Variants in TUSC3 observed in about 807,000 individuals in gnomAD.
TUSC3 encodes the protein tumor suppressor candidate 3.
TUSC3 carries 45 observed loss-of-function variants against 44.8 expected under a neutral mutation model. The ratio of observed to expected loss-of-function variants is 1.00; its 90% CI spans 0.79 to 1.29. The LOEUF (loss-of-function observed/expected upper bound fraction) is 1.29. Ranked by LOEUF, TUSC3 falls within the 50% of genes most tolerant of loss-of-function variation. The pLI is 0.00. For synonymous variants in TUSC3, 212 were observed against 152.9 expected (o/e 1.39, Z -2.85); for missense variants, 519 against 437.9 (o/e 1.19, Z -1.65).
chr8:15,662,686 A>G, intron 5 of TUSC3, among the ~76,000 whole-genome samples: 1 of 151,884 alleles, frequency 6.6e-6, no homozygotes, highest in East Asian at 1.9e-4. Flanking sequence ...CTTCTATGTG[A>G]CTGATATATG....
At chr8:15,767,386 A>G (rs2129226691), downstream of TUSC3, among the ~76,000 whole-genome samples, 1 of 152,192 alleles carries the variant, frequency 6.6e-6, no homozygotes, top group South Asian at 2.1e-4. Flanking sequence ...ATGTCAGGAA[A>G]AATGACAGCA....
At chr8:15,758,224 C>G in intron 10 of TUSC3, 1 of 1,010,264 alleles carries the variant, frequency 9.9e-7, no homozygotes, top group Non-Finnish European at 1.2e-6. Flanking sequence ...TTCCCATTAA[C>G]AAATAATGTA....
downstream of TUSC3, among the ~76,000 whole-genome samples, chr8:15,770,944 C>G (rs944622470): frequency 2.6e-5 from 4 of 152,114 alleles, no homozygotes; most frequent in African/African-American, 9.7e-5. Flanking sequence ...TATACACATT[C>G]AAAGAGATCC....
intron 2 of TUSC3, among the ~76,000 whole-genome samples, chr8:15,524,679 C>T (rs867412069): frequency 6.6e-6 from 1 of 152,206 alleles, no homozygotes; most frequent in Middle Eastern, 3.4e-3. Context: ...AAAAAAGACC[C>T]AATGGAGAAC....
At chr8:15,783,987 C>G in the TUSC3 span, among the ~76,000 whole-genome samples, 3 of 152,024 alleles carry the variant, frequency 2.0e-5, no homozygotes, top group Non-Finnish European at 4.4e-5. Flanking sequence ...ATAAGTAACT[C>G]AAACTACTCA....
intron 2 of TUSC3, among the ~76,000 whole-genome samples, chr8:15,639,992 A>G (rs965411167): frequency 4.6e-5 from 7 of 152,174 alleles, no homozygotes; most frequent in Non-Finnish European, 7.3e-5. Flanking sequence ...TGAGATTGTT[A>G]TCGTTAGAAA....
At position 15,487,724 on chromosome 8, in the gene TUSC3, T is replaced by G. The variant is rs536562881; in HGVS notation, n.189+4241T>G. 1.6e-4 allele frequency among the ~76,000 whole-genome samples: 24 copies of G among 152,336 alleles called. 1 individual carries two copies. The highest frequency in any genetic ancestry group is 5.5e-4 in the African/African-American group (23 of 41,590). The stretch of plus-strand genomic sequence containing the variant: ...TTCTTTATATGCTAAAGTATTTATT[T>G]GCAAACGAAACATCCAATTAGCCTA... On this transcript the variant is annotated intron_variant and non_coding_transcript_variant, in intron 2 of 5. Coordinates refer to the TUSC3 transcript ENST00000503191.
chr8:15,563,462 C>T (rs1432981744), intron 1 of TUSC3, among the ~76,000 whole-genome samples: 7 of 151,944 alleles, frequency 4.6e-5, no homozygotes, highest in Non-Finnish European at 1.0e-4. Context: ...CTGAGGTGGG[C>T]GGATCACAAG....
At chr8:15,779,597 C>G in the TUSC3 span, among the ~76,000 whole-genome samples, 1 of 152,060 alleles carries the variant, frequency 6.6e-6, no homozygotes, top group Non-Finnish European at 1.5e-5. Context: ...TTAATATGTT[C>G]TTACAATTTA....
intron 1 of TUSC3, among the ~76,000 whole-genome samples, chr8:15,579,007 C>G (rs1457939033): frequency 2.6e-5 from 4 of 151,868 alleles, no homozygotes; most frequent in Non-Finnish European, 5.9e-5. Flanking sequence ...TGTTATTGGT[C>G]TATTCAGAGA....
intron 6 of TUSC3, among the ~76,000 whole-genome samples, chr8:15,692,531 A>C (rs944293565): frequency 6.6e-6 from 1 of 151,484 alleles, no homozygotes; most frequent in African/African-American, 2.4e-5. Context: ...AAAACTTATT[A>C]TTGGTCAGTT....
intron 6 of TUSC3, among the ~76,000 whole-genome samples, chr8:15,697,980 A>G (rs1044758433): frequency 6.6e-6 from 1 of 152,226 alleles, no homozygotes; most frequent in Admixed American, 6.5e-5. Context: ...TCCAAAATAT[A>G]TTTAATTTGG....
At chr8:15,604,366 A>G (rs1296652547) in intron 1 of TUSC3, among the ~76,000 whole-genome samples, 1 of 151,708 alleles carries the variant, frequency 6.6e-6, no homozygotes, top group Non-Finnish European at 1.5e-5. Flanking sequence ...AAATAAACCA[A>G]ATAGATTGCA....
the TUSC3 span, among the ~76,000 whole-genome samples, chr8:15,772,262 G>C: frequency 6.6e-6 from 1 of 151,986 alleles, no homozygotes; most frequent in Non-Finnish European, 1.5e-5. Flanking sequence ...CCGAAAGTTG[G>C]TTCTTTGAAA....
intron 3 of TUSC3, among the ~76,000 whole-genome samples, chr8:15,655,757 C>T (rs1317998925): frequency 1.3e-5 from 2 of 152,296 alleles, no homozygotes; most frequent in East Asian, 1.9e-4. Context: ...ATATATGTAG[C>T]TGTTTAGCTC....
intron 1 of TUSC3, among the ~76,000 whole-genome samples, chr8:15,621,779 T>C (rs991512113): frequency 1.4e-5 from 2 of 141,056 alleles, no homozygotes; most frequent in Middle Eastern, 3.4e-3. Flanking sequence ...ATTGGGTCTT[T>C]TAAAAAAAAA....
At chr8:15,829,715 C>A in the TUSC3 span, among the ~76,000 whole-genome samples, 3 of 151,918 alleles carry the variant, frequency 2.0e-5, no homozygotes, top group Non-Finnish European at 4.4e-5. Context: ...GTGAGTTTTT[C>A]TAATTTTCTC....
At chr8:15,819,705 A>T in the TUSC3 span, among the ~76,000 whole-genome samples, 20 of 152,226 alleles carry the variant, frequency 1.3e-4, no homozygotes, top group Non-Finnish European at 2.9e-4. Context: ...GTGCGACTTG[A>T]CTTAGTAATG....
intron 1 of TUSC3, among the ~76,000 whole-genome samples, chr8:15,441,737 G>T (rs1014360401): frequency 2.0e-5 from 3 of 151,794 alleles, no homozygotes; most frequent in Non-Finnish European, 4.4e-5. Context: ...AGAACAGGGG[G>T]TATGTATTGA....
Sources: gnomAD v4.1 joint callset for allele counts (sites outside exome capture counted in the v4.1 genomes callset) on GRCh38, gnomAD v4.1.1 for gene constraint, MANE v1.5 for transcripts, NCBI Gene and HGNC (gene_info 2026-07-23, HGNC 2026-07-21) for gene names.